Variants in TANC2 observed in about 807,000 individuals in gnomAD.
TANC2 encodes the protein protein TANC2.
A neutral mutation model predicts 210.5 loss-of-function variants in TANC2; 26 were observed. That is an observed-to-expected ratio of 0.12 (90% CI 0.09 to 0.17). The LOEUF (loss-of-function observed/expected upper bound fraction) is 0.17. Among genes scored for constraint, TANC2 ranks in the 10% least tolerant of loss-of-function variants. The pLI, the probability that TANC2 is intolerant of heterozygous loss-of-function variation, is 1.00. For synonymous variants in TANC2, 931 were observed against 967.1 expected, an observed-to-expected ratio of 0.96 and a Z score of 0.69; for missense variants, 2,129 against 2,608.9, an observed-to-expected ratio of 0.82 and a Z score of 4.01.
chr17:63,031,999 C>T (rs73339702), intron 2 of TANC2, among the ~76,000 whole-genome samples: 3,396 of 152,194 alleles, frequency 0.022, 114 homozygotes, highest in African/African-American at 0.076. Context: ...AGTGTAAAGA[C>T]GAAGTTGTGA....
Position 63,374,952 on chromosome 17 carries a change from A to G in TANC2, c.2583-4766A>G, listed in dbSNP as rs115600857. The stretch of plus-strand genomic sequence containing the variant: ...TACTTGTGACTTTTCAGGAGAGAAA[A>G]TATAGGAGAGGGGGGAAATAGCTAC... On this transcript the variant is annotated intron_variant, in intron 14 of 27. Transcript: ENST00000689528. Among the ~76,000 whole-genome samples the G allele has an allele frequency of 5.5e-3, 837 of 152,316 alleles. 7 individuals carry two copies. Among genetic ancestry groups the G allele is most frequent in the African/African-American group, 0.018 (745 of 41,566 alleles).
chr17:63,247,472 C>T (rs2042948890), intron 8 of TANC2, among the ~76,000 whole-genome samples: 1 of 134,294 alleles, frequency 7.4e-6, no homozygotes, highest in African/African-American at 3.1e-5. Flanking sequence ...TGTCCCTCCT[C>T]TTCCCCTACT....
At chr17:63,201,609 A>T (rs2041537065) in intron 7 of TANC2, among the ~76,000 whole-genome samples, 1 of 150,922 alleles carries the variant, frequency 6.6e-6, no homozygotes, top group African/African-American at 2.4e-5. Context: ...TCCCCTCGTG[A>T]ATTTTCTTAT....
chr17:63,284,958 C>A (rs990666884), intron 9 of TANC2, among the ~76,000 whole-genome samples: 2 of 151,882 alleles, frequency 1.3e-5, no homozygotes, highest in Non-Finnish European at 2.9e-5. Flanking sequence ...ATGCACTGAC[C>A]CAGTGATCAT....
At chr17:63,312,231 T>C (rs2045148870) in intron 9 of TANC2, among the ~76,000 whole-genome samples, 1 of 152,164 alleles carries the variant, frequency 6.6e-6, no homozygotes, top group African/African-American at 2.4e-5. Context: ...AAAAGAGTAG[T>C]TTTTTTGTTC....
intron 7 of TANC2, among the ~76,000 whole-genome samples, chr17:63,232,848 C>T (rs1204254130): frequency 6.6e-6 from 1 of 152,246 alleles, no homozygotes; most frequent in Non-Finnish European, 1.5e-5. Context: ...TCAGAGCCAG[C>T]AGCGGGAAAG....
chr17:63,351,285 A>G, exon 13 of TANC2: 1 of 1,608,684 alleles, frequency 6.2e-7, no homozygotes, highest in South Asian at 1.1e-5. Context: ...CATCATTTTA[A>G]TTGATGGATT....
At chr17:63,374,782 C>A (rs1598971163) in intron 14 of TANC2, among the ~76,000 whole-genome samples, 1 of 152,024 alleles carries the variant, frequency 6.6e-6, no homozygotes, top group African/African-American at 2.4e-5. Context: ...CCCTTGGATA[C>A]CATGCTAAGG....
chr17:63,382,164 T>C (rs2047633863), intron 15 of TANC2, among the ~76,000 whole-genome samples: 2 of 152,160 alleles, frequency 1.3e-5, no homozygotes, highest in Admixed American at 1.3e-4. Context: ...GTATTCCAAA[T>C]CCAAAGCTAT....
chr17:63,001,545 T>TTTTC (rs1212541317), intron 1 of TANC2, among the ~76,000 whole-genome samples: 1 of 151,430 alleles, frequency 6.6e-6, no homozygotes, highest in African/African-American at 2.4e-5. Context: ...TTTTTTTTCT[T>TTTTC]TTTCTTTCTT....
intron 3 of TANC2, among the ~76,000 whole-genome samples, chr17:63,095,297 T>C (rs2037346288): frequency 6.6e-6 from 1 of 152,086 alleles, no homozygotes; most frequent in African/African-American, 2.4e-5. Context: ...TACTTCAGCC[T>C]TCCGAGTAGC....
intron 20 of TANC2, among the ~76,000 whole-genome samples, chr17:63,405,866 A>G (rs1404788602): frequency 1.3e-5 from 2 of 152,220 alleles, no homozygotes; most frequent in East Asian, 3.8e-4. Context: ...TTTATGTTGG[A>G]ACTTCCGCTA....
At chr17:63,255,836 G>A (rs1262853246) in intron 8 of TANC2, among the ~76,000 whole-genome samples, 2 of 146,616 alleles carry the variant, frequency 1.4e-5, no homozygotes, top group African/African-American at 5.1e-5. Context: ...CTTCTACTAA[G>A]TTTGGGTTTA....
chr17:63,263,378 CTTTA>C (rs2146241884), intron 8 of TANC2, among the ~76,000 whole-genome samples: 1 of 152,286 alleles, frequency 6.6e-6, no homozygotes, highest in South Asian at 2.1e-4. Flanking sequence ...TCCTGGCAAT[CTTTA>C]TGATAACTGG....
At chr17:63,091,124 G>C (rs1181684170) in intron 3 of TANC2, among the ~76,000 whole-genome samples, 1 of 121,544 alleles carries the variant, frequency 8.2e-6, no homozygotes, top group East Asian at 2.4e-4. Flanking sequence ...TTTGTCAGAT[G>C]AGTAGATTGC....
chr17:63,415,618 C>G (rs372803024), exon 26 of TANC2: 1 of 1,613,710 alleles, frequency 6.2e-7, no homozygotes, highest in Admixed American at 1.7e-5. Context: ...GAAAACTTTC[C>G]GGGAACTAAA....
intron 11 of TANC2, among the ~76,000 whole-genome samples, chr17:63,337,649 A>G (rs2046079450): frequency 6.6e-6 from 1 of 150,984 alleles, no homozygotes; most frequent in African/African-American, 2.4e-5. Flanking sequence ...GGTCAGAGGC[A>G]CACGTGCACA....
rs544878903 is a variant in TANC2, at chr17:63,257,050, T to G, written c.1034-10698T>G. Among the ~76,000 whole-genome samples the G allele has an allele frequency of 4.6e-5, 7 of 150,848 alleles. No individual in the cohort carries two copies. The South Asian group carries it at 1.5e-3, about 32-fold the overall frequency. On this transcript the variant is annotated intron_variant, in intron 8 of 27. Transcript: ENST00000689528. ...TAGGCCACAGATAATTGGGTCTTGT[T>G]TTTTGTTTGGTTGGTTGGTTGGTAT... is the stretch of plus-strand genomic sequence containing the variant.
At chr17:63,424,699 A>C (rs545596182) in exon 28 of TANC2, 1 of 152,302 alleles carries the variant, frequency 6.6e-6, no homozygotes, top group Admixed American at 6.5e-5. Context: ...ATGTCTATAA[A>C]TGGGTGCACT....
Sources: gnomAD v4.1 joint callset for allele counts (sites outside exome capture counted in the v4.1 genomes callset) on GRCh38, gnomAD v4.1.1 for gene constraint, MANE v1.5 for transcripts, NCBI Gene and HGNC (gene_info 2026-07-23, HGNC 2026-07-21) for gene names.